The following TRABD2B variants were observed in gnomAD, a reference collection of about 807,000 sequenced individuals.
The protein encoded by TRABD2B is metalloprotease TIKI2.
In TRABD2B, 14 loss-of-function variants were observed where a neutral mutation model predicts 40.1. The ratio of observed to expected loss-of-function variants is 0.35; its 90% confidence interval spans 0.23 to 0.55. TRABD2B has a LOEUF of 0.55. TRABD2B is among the 20% of genes least tolerant of loss of function. The probability of loss-of-function intolerance (pLI) is 0.90; values close to 1 mark genes in which losing one functional copy is unlikely to be tolerated. For synonymous variants in TRABD2B, 263 were observed against 277.0 expected, an observed-to-expected ratio of 0.95 and a Z score of 0.50; for missense variants, 541 against 648.6, an observed-to-expected ratio of 0.83 and a Z score of 1.80.
At chr1:47,959,498 T>C (rs1221518225) in intron 2 of TRABD2B, among the ~76,000 whole-genome samples, 3 of 152,070 alleles carry the variant, frequency 2.0e-5, no homozygotes, top group Non-Finnish European at 4.4e-5. Flanking sequence ...ACGAATCAAA[T>C]AGATGCAATA....
intron 2 of TRABD2B, among the ~76,000 whole-genome samples, chr1:47,964,149 C>T (rs998343449): frequency 2.0e-4 from 30 of 152,036 alleles, no homozygotes; most frequent in African/African-American, 7.0e-4. Flanking sequence ...AATGTTGGAC[C>T]GAGTTTCTGG....
intron 2 of TRABD2B, among the ~76,000 whole-genome samples, chr1:47,919,489 C>G (rs1324320956): frequency 6.6e-6 from 1 of 152,214 alleles, no homozygotes; most frequent in Admixed American, 6.5e-5. Context: ...TCAAATCTCT[C>G]CAAGGGAAGC....
chr1:47,923,630 G>T (rs985970666), intron 2 of TRABD2B, among the ~76,000 whole-genome samples: 10 of 152,192 alleles, frequency 6.6e-5, no homozygotes, highest in African/African-American at 2.2e-4. Flanking sequence ...TTTCTGTGAA[G>T]ATATCTCTTT....
intron 2 of TRABD2B, among the ~76,000 whole-genome samples, chr1:47,955,695 C>T (rs1645409611): frequency 6.6e-6 from 1 of 152,088 alleles, no homozygotes; most frequent in South Asian, 2.1e-4. Flanking sequence ...CTCATTTCAA[C>T]TCTAAGGCCC....
chr1:47,909,518 G>A (rs1171280664), intron 2 of TRABD2B, among the ~76,000 whole-genome samples: 1 of 126,116 alleles, frequency 7.9e-6, no homozygotes, highest in Non-Finnish European at 1.7e-5. Flanking sequence ...AGGAGAAGGG[G>A]GAGGAGAAGG....
In TRABD2B at chr1:47,994,263, T is replaced by C; in HGVS notation, c.437A>G (p.Tyr146Cys). ...GATGGCATTGAATAGGTAGTCAGCATAGAGCCCCTTGCCCCGCTGAGCGGG... is the reference window on the plus strand; with the variant it reads ...GATGGCATTGAATAGGTAGTCAGCACAGAGCCCCTTGCCCCGCTGAGCGGG... ...MTPAQRGKGL[Y>C]ADYLFNAIAG... Residue 146 changes from tyrosine (Y) to cysteine (C), a missense_variant, in exon 2 of 7, where the codon TAT becomes TGT. By Grantham distance (194) the Tyr-to-Cys change is radical. This residue lies in a region of TRABD2B where 369 missense variants were observed against 492.8 expected (regional missense o/e 0.75). Coordinates refer to ENST00000606738, the MANE Select transcript of TRABD2B (RefSeq NM_001194986.2). The surrounding 1 kb of genome is among the most constrained non-coding windows in gnomAD (Gnocchi z 6.7). 2 of 1,537,472 alleles carry C rather than the reference T, an allele frequency of 1.3e-6. No individual in the cohort carries two copies. Among genetic ancestry groups the C allele is most frequent in the Non-Finnish European group, 1.7e-6 (2 of 1,147,208 alleles).
chr1:47,989,470 T>C (rs1400453687), intron 2 of TRABD2B, among the ~76,000 whole-genome samples: 3 of 152,200 alleles, frequency 2.0e-5, no homozygotes, highest in African/African-American at 7.2e-5. Flanking sequence ...CGCCAGGGTG[T>C]AGACATAGGA....
chr1:47,966,116 CCCATATACCAACTCAGGCAT>C (rs1645599110), intron 2 of TRABD2B, among the ~76,000 whole-genome samples: 3 of 152,270 alleles, frequency 2.0e-5, no homozygotes, highest in Middle Eastern at 3.4e-3. Flanking sequence ...GGGTTTGAGT[CCCATATACCAACTCAGGCAT>C]AGACAGCAGG....
chr1:47,889,911 T>C (rs1644422073), intron 2 of TRABD2B, among the ~76,000 whole-genome samples: 1 of 151,812 alleles, frequency 6.6e-6, no homozygotes, highest in African/African-American at 2.4e-5. Flanking sequence ...AATTTGTAAA[T>C]GTGCTTAGGA....
At position 47,997,322 on chromosome 1, in the gene TRABD2B, G is replaced by A. The variant is rs1646109209; in HGVS notation, c.-533C>T. ...CGAGCCCGGCTCAGAGGGGCGGCGG[G>A]CGGCCGCGCGGCCGCTGCCCGGGCT... is the stretch of plus-strand genomic sequence containing the variant. On this transcript the variant is annotated 5_prime_UTR_variant, in exon 1 of 7. Coordinates refer to ENST00000606738, the MANE Select transcript of TRABD2B (RefSeq NM_001194986.2). 1.9e-6 allele frequency: 1 copy of A among 521,782 alleles called. No homozygotes were observed. The highest frequency in any genetic ancestry group is 2.4e-6 in the Non-Finnish European group (1 of 409,372). 32.3% of individuals were successfully genotyped at this position (521,782 alleles called of 1,614,324 possible). A position where few individuals can be genotyped will look rare whatever the true frequency, so the allele number is the denominator to read the frequency against.
intron 2 of TRABD2B, among the ~76,000 whole-genome samples, chr1:47,987,961 T>A (rs1645944738): frequency 6.6e-6 from 1 of 152,178 alleles, no homozygotes; most frequent in Admixed American, 6.5e-5. Flanking sequence ...CCCTCCATGG[T>A]TGACTTCCTG....
chr1:47,960,100 CA>C (rs1162995451), intron 2 of TRABD2B, among the ~76,000 whole-genome samples: 30 of 152,130 alleles, frequency 2.0e-4, no homozygotes, highest in African/African-American at 6.3e-4. Flanking sequence ...TAAACAGAAC[CA>C]AAAGACAAAA....
At chr1:47,984,480 GGCACAGTCAT>G (rs1484984915) in intron 2 of TRABD2B, among the ~76,000 whole-genome samples, 2 of 152,240 alleles carry the variant, frequency 1.3e-5, no homozygotes, top group Non-Finnish European at 2.9e-5. Flanking sequence ...GCGTGAAATG[GGCACAGTCAT>G]GCAAGCCTCC....
rs953078418 is a variant in TRABD2B at position 47,903,580 on chromosome 1, C to T, written c.666+90454G>A. On this transcript the variant is annotated intron_variant, in intron 2 of 6. Coordinates refer to ENST00000606738, the MANE Select transcript of TRABD2B (RefSeq NM_001194986.2). ...GGAGGGAGGCAGTGGGAGTTTCCTGCGGGGTGGAGTCAAGGCTTGAGACCC... is the reference window on the plus strand; with the variant it reads ...GGAGGGAGGCAGTGGGAGTTTCCTGTGGGGTGGAGTCAAGGCTTGAGACCC... Among the ~76,000 whole-genome samples the T allele has an allele frequency of 3.9e-5, 6 of 152,114 alleles. No individual in the cohort carries two copies. The South Asian group carries it at 6.2e-4, about 16-fold the overall frequency.
At chr1:47,957,392 T>C (rs59557413) in intron 2 of TRABD2B, among the ~76,000 whole-genome samples, 3,563 of 152,246 alleles carry the variant, frequency 0.023, 109 homozygotes, top group Admixed American at 0.09. Flanking sequence ...AGGTGTCAGA[T>C]GATCAGTAAT....
At chr1:47,974,579 GC>G (rs1645728077) in intron 2 of TRABD2B, among the ~76,000 whole-genome samples, 2 of 152,166 alleles carry the variant, frequency 1.3e-5, no homozygotes, top group South Asian at 4.1e-4. Context: ...AAAGTTCCAT[GC>G]AGGAAAAATA....
Position 47,996,205 on chromosome 1 carries a change from GT to G in TRABD2B, c.102+482del, listed in dbSNP as rs1266860740. On this transcript the variant is annotated intron_variant, in intron 1 of 6. Coordinates refer to ENST00000606738, the MANE Select transcript of TRABD2B (RefSeq NM_001194986.2). This position sits in a 1 kb window ranked among gnomAD's most constrained non-coding sequence, Gnocchi z 4.6. ...GGTGAGAACGAGGAACAGGGAGAAA[GT>G]TTGTCTTAGGTCAGAGTGGGAGGGC... is the stretch of plus-strand genomic sequence containing the variant. Among the ~76,000 whole-genome samples, 2 of 152,066 alleles carry G rather than the reference GT, an allele frequency of 1.3e-5. No homozygotes were observed. Among genetic ancestry groups the G allele is most frequent in the African/African-American group, 4.8e-5 (2 of 41,406 alleles).
rs894236213 is a variant in TRABD2B at position 47,801,563 on chromosome 1, G to A, written c.723C>T (p.Ser241=). The change falls in exon 3 of 7, where the codon AGC becomes AGT. Residue 241 remains serine (S), a synonymous_variant. Coordinates refer to ENST00000606738, the MANE Select transcript of TRABD2B (RefSeq NM_001194986.2). ...LLQQESVRAG[S]LQASYTTEDL... ...CCTCCGTGGTGTAGGAGGCCTGCAGGCTCCCGGCCCGCACACTCTCCTGCT... is the reference window on the plus strand; with the variant it reads ...CCTCCGTGGTGTAGGAGGCCTGCAGACTCCCGGCCCGCACACTCTCCTGCT... The A allele has an allele frequency of 1.3e-6, 2 of 1,536,046 alleles. No individual in the cohort carries two copies. The highest frequency in any genetic ancestry group is 2.4e-5 in the East Asian group (1 of 40,904).
At position 47,996,047 on chromosome 1, in the gene TRABD2B, T is replaced by C. The variant is rs927255708; in HGVS notation, c.102+641A>G. Among the ~76,000 whole-genome samples the C allele has an allele frequency of 6.6e-6, 1 of 152,232 alleles. No homozygotes were observed. The highest frequency in any genetic ancestry group is 1.5e-5 in the Non-Finnish European group (1 of 68,046). On this transcript the variant is annotated intron_variant, in intron 1 of 6. Coordinates refer to ENST00000606738, the MANE Select transcript of TRABD2B (RefSeq NM_001194986.2). This position sits in a 1 kb window ranked among gnomAD's most constrained non-coding sequence, Gnocchi z 4.6. ...AAGGAATATTAGGAGAACCAGTAAT[T>C]ACTCGACCCCAAGAAATATTAGGCC...
Sources: allele counts gnomAD v4.1 joint callset (sites outside exome capture counted in the v4.1 genomes callset), GRCh38; gene constraint gnomAD v4.1.1; regional missense constraint gnomAD v4.1.1; non-coding constraint Gnocchi (gnomAD v3.1); transcripts MANE v1.5; gene names NCBI Gene and HGNC (gene_info 2026-07-23, HGNC 2026-07-21).